Variants in NBPF12 observed in about 807,000 individuals in gnomAD.
The protein encoded by NBPF12 is NBPF member 12, also known as NBPF family member NBPF12.
A neutral mutation model predicts 146.4 loss-of-function variants in NBPF12; 115 were observed. The ratio of observed to expected loss-of-function variants is 0.79; its 90% CI spans 0.68 to 0.92. The LOEUF (loss-of-function observed/expected upper bound fraction) is 0.92, where lower values mean the gene tolerates loss of function less well. Ranked by LOEUF, NBPF12 falls within the 40% of genes least tolerant of loss-of-function variation. The probability of loss-of-function intolerance (pLI) is 0.00; values close to 1 mark genes in which losing one functional copy is unlikely to be tolerated. For synonymous variants in NBPF12, 385 were observed against 508.9 expected, an observed-to-expected ratio of 0.76 and a Z score of 3.28; for missense variants, 1,205 against 1,326.8, an observed-to-expected ratio of 0.91 and a Z score of 1.43.
At position 146,968,971 on chromosome 1, in the gene NBPF12, A is replaced by G. The variant is rs1553886017; in HGVS notation, c.1092-411A>G. 4.0e-4 allele frequency among the ~76,000 whole-genome samples: 60 copies of G among 151,390 alleles called. 1 individual carries two copies. The highest frequency in any genetic ancestry group is 2.9e-4 in the African/African-American group (12 of 40,866). On this transcript the variant is annotated intron_variant, in intron 10 of 33. Transcript: ENST00000617844. ...GACCCTGTCATTCTTTTCTTCTTTC[A>G]TCTTTTCAATTCACCCCATCTGCAT...
At chr1:146,968,931 C>G (rs1553886005) in intron 10 of NBPF12, among the ~76,000 whole-genome samples, 16,765 of 151,270 alleles carry the variant, frequency 0.11, 1,251 homozygotes, top group East Asian at 0.22. Flanking sequence ...TTCTTTCACT[C>G]AATGTTGCCT....
chr1:146,972,871 C>G, exon 14 of NBPF12: 1 of 1,199,950 alleles, frequency 8.3e-7, no homozygotes, highest in Non-Finnish European at 1.2e-6. Context: ...CCCCAGCTGG[C>G]AGAGAAGAAA....
chr1:146,956,970 A>G, intron 2 of NBPF12: 1 of 137,078 alleles, frequency 7.3e-6, no homozygotes. Context: ...AAGTAAAAGA[A>G]TACAGATTCA....
At chr1:146,994,746 A>G in exon 34 of NBPF12, 1 of 1,146,186 alleles carries the variant, frequency 8.7e-7, no homozygotes, top group East Asian at 2.5e-5. Context: ...GCTCAGTCTG[A>G]AGACAATGGA....
chr1:146,973,446 G>T (rs1395914953), intron 14 of NBPF12, among the ~76,000 whole-genome samples: 1 of 151,114 alleles, frequency 6.6e-6, no homozygotes, highest in South Asian at 2.1e-4. Flanking sequence ...GCTTCAAGAG[G>T]AGTCTGCTCC....
At chr1:146,958,084 C>A (rs1655686568) in intron 2 of NBPF12, among the ~76,000 whole-genome samples, 1 of 116,736 alleles carries the variant, frequency 8.6e-6, no homozygotes, top group African/African-American at 3.1e-5. Context: ...GTTTGCTGCA[C>A]CCATTAACTC....
intron 9 of NBPF12, among the ~76,000 whole-genome samples, chr1:146,966,886 C>G (rs1475413132): frequency 3.6e-4 from 54 of 150,320 alleles, no homozygotes; most frequent in Admixed American, 2.2e-3. Context: ...GGGGGTGGGA[C>G]TAGAGTTAAA....
chr1:146,985,874 T>G lies in NBPF12; in HGVS notation c.2891+118T>G. ...TCAACGAAGGTTGAATTACTCCTAC[T>G]GCCATTGCTGTTGGTTTTCATTGCA... On this transcript the variant is annotated intron_variant, in intron 23 of 33. Transcript: ENST00000617844. 9.8e-6 allele frequency: 7 copies of G among 717,466 alleles called. 1 individual carries two copies. The highest frequency in any genetic ancestry group is 1.7e-5 in the Non-Finnish European group (7 of 414,104). The allele number at this position is 717,466 out of a possible 1,614,324, so 44.4% of individuals were successfully genotyped here.
At chr1:146,972,663 G>A (rs1358229751) in intron 13 of NBPF12, 88 bp from the exon 17 acceptor site, 2 of 1,094,332 alleles carry the variant, frequency 1.8e-6, no homozygotes, top group Non-Finnish European at 2.8e-6. Context: ...AGTAGACAAG[G>A]CTACCAGTGA....
chr1:146,981,196 G>A (rs1217673893), intron 19 of NBPF12, among the ~76,000 whole-genome samples: 19 of 136,468 alleles, frequency 1.4e-4, no homozygotes, highest in African/African-American at 5.2e-4. Flanking sequence ...TGAGTTAATG[G>A]GTGAAGCACA....
exon 34 of NBPF12, chr1:146,994,779 C>T (rs1658439815): frequency 2.3e-6 from 2 of 876,740 alleles, no homozygotes; most frequent in East Asian, 2.7e-5. Context: ...GTGACACGTT[C>T]ACATAACTGT....
At chr1:146,967,081 T>A (rs1656258898) in intron 9 of NBPF12, among the ~76,000 whole-genome samples, 1 of 151,228 alleles carries the variant, frequency 6.6e-6, no homozygotes, top group Non-Finnish European at 1.5e-5. Flanking sequence ...TGAGGCCCAA[T>A]ACGCAAAGCT....
intron 11 of NBPF12, 150 bp downstream of exon 14, chr1:146,969,746 A>G (rs1341852973): frequency 8.8e-6 from 13 of 1,474,124 alleles, no homozygotes; most frequent in Admixed American, 1.8e-5. Context: ...CTGGGTAAGA[A>G]CGGAGATGGG....
chr1:146,981,611 G>T (rs1260976044), intron 19 of NBPF12, among the ~76,000 whole-genome samples: 1 of 151,740 alleles, frequency 6.6e-6, no homozygotes, highest in Non-Finnish European at 1.5e-5. Context: ...TCCTTGTTAG[G>T]TTGGGGAAGT....
At chr1:146,978,347 C>A (rs1387488108) in intron 18 of NBPF12, among the ~76,000 whole-genome samples, 1 of 143,746 alleles carries the variant, frequency 7.0e-6, no homozygotes, top group Non-Finnish European at 1.5e-5. Flanking sequence ...TTGGTGCAAC[C>A]TCTGCCTCCC....
At chr1:146,946,822 T>TA (rs1430048530), upstream of NBPF12, among the ~76,000 whole-genome samples, 1 of 151,964 alleles carries the variant, frequency 6.6e-6, no homozygotes, top group Non-Finnish European at 1.5e-5. Flanking sequence ...GTTTTGCACT[T>TA]ACATTTACGT....
intron 16 of NBPF12, 108 bp from the exon 20 acceptor site, chr1:146,976,821 G>T: frequency 1.8e-6 from 1 of 561,516 alleles, no homozygotes; most frequent in Middle Eastern, 4.9e-4. Context: ...GTTTTCAGTT[G>T]AACGGTGACC....
intron 7 of NBPF12, 138 bp downstream of exon 10, chr1:146,964,567 G>C: frequency 5.0e-6 from 7 of 1,410,936 alleles, no homozygotes; most frequent in Non-Finnish European, 6.0e-6. Flanking sequence ...ACCCAGCTTA[G>C]ACACAGGGTG....
At chr1:146,960,525 G>A (rs1389096721) in intron 4 of NBPF12, among the ~76,000 whole-genome samples, 1 of 151,966 alleles carries the variant, frequency 6.6e-6, no homozygotes, top group African/African-American at 2.4e-5. Context: ...TCAGATGGGG[G>A]TGGGACTAGA....
Sources: allele counts gnomAD v4.1 joint callset (sites outside exome capture counted in the v4.1 genomes callset), GRCh38; gene constraint gnomAD v4.1.1; transcripts MANE v1.5; gene names NCBI Gene and HGNC (gene_info 2026-07-23, HGNC 2026-07-21).